The following CACNA2D1 variants were observed in gnomAD, a reference collection of about 807,000 sequenced individuals.
The protein encoded by CACNA2D1 is voltage-dependent calcium channel subunit alpha-2/delta-1.
In CACNA2D1, 53 loss-of-function variants were observed where a neutral mutation model predicts 171.5. The ratio of observed to expected loss-of-function variants is 0.31; its 90% CI spans 0.25 to 0.39. The LOEUF (loss-of-function observed/expected upper bound fraction) is 0.39, where lower values mean the gene tolerates loss of function less well. CACNA2D1 is among the 10% of genes least tolerant of loss of function. CACNA2D1 has a pLI of 1.00. For synonymous variants in CACNA2D1, 442 were observed against 443.1 expected (o/e 1.00, Z 0.03); for missense variants, 903 against 1,299.8 (o/e 0.69, Z 4.69).
At chr7:82,311,337 T>C (rs1397336125) in intron 3 of CACNA2D1, among the ~76,000 whole-genome samples, 1 of 151,774 alleles carries the variant, frequency 6.6e-6, no homozygotes, top group African/African-American at 2.4e-5. Context: ...ACAAATGCAC[T>C]AGGTAAGAAT....
At chr7:82,232,672 T>C (rs1803078741) in intron 3 of CACNA2D1, among the ~76,000 whole-genome samples, 1 of 151,930 alleles carries the variant, frequency 6.6e-6, no homozygotes, top group Non-Finnish European at 1.5e-5. Flanking sequence ...GAGACCATCC[T>C]GGCTAACACT....
chr7:82,139,086 A>C (rs1343022660), intron 4 of CACNA2D1, among the ~76,000 whole-genome samples: 1 of 152,124 alleles, frequency 6.6e-6, no homozygotes, highest in Non-Finnish European at 1.5e-5. Context: ...ATATGCACAC[A>C]CTGTTGTGCC....
At chr7:82,251,127 T>A (rs1805579704) in intron 3 of CACNA2D1, among the ~76,000 whole-genome samples, 1 of 152,142 alleles carries the variant, frequency 6.6e-6, no homozygotes, top group African/African-American at 2.4e-5. Context: ...CTCTCCTGTA[T>A]CTCCCATCTC....
At chr7:82,114,598 C>CA (rs1238454894) in intron 6 of CACNA2D1, among the ~76,000 whole-genome samples, 1 of 151,044 alleles carries the variant, frequency 6.6e-6, no homozygotes, top group African/African-American at 2.4e-5. Context: ...AAAAAACAAA[C>CA]AAAAAAAATT....
At chr7:82,132,434 C>T (rs1273099300) in intron 5 of CACNA2D1, among the ~76,000 whole-genome samples, 4 of 152,174 alleles carry the variant, frequency 2.6e-5, no homozygotes, top group East Asian at 1.9e-4. Context: ...ACTCCATATC[C>T]TCTTGCAACA....
chr7:82,106,282 C>A (rs1787750872), intron 6 of CACNA2D1, among the ~76,000 whole-genome samples: 1 of 151,886 alleles, frequency 6.6e-6, no homozygotes, highest in Non-Finnish European at 1.5e-5. Flanking sequence ...AATTCCAGAC[C>A]CCCATTTTTT....
intron 13 of CACNA2D1, 58 bp downstream of exon 13, chr7:82,014,343 A>G: frequency 1.1e-6 from 1 of 916,182 alleles, no homozygotes; most frequent in Non-Finnish European, 1.8e-6. Context: ...AGTACACCTA[A>G]TAACAACTAC....
intron 1 of CACNA2D1, among the ~76,000 whole-genome samples, chr7:82,432,037 T>TA (rs34180150): frequency 0.03 from 2,504 of 82,194 alleles, 65 homozygotes; most frequent in Middle Eastern, 0.071. Flanking sequence ...GACTCTGTCT[T>TA]AAAAAAAAAA....
chr7:82,150,291 A>AC (rs1793709833), intron 4 of CACNA2D1, among the ~76,000 whole-genome samples: 1 of 143,854 alleles, frequency 7.0e-6, no homozygotes, highest in African/African-American at 2.6e-5. Context: ...ACAAAAAAAA[A>AC]CACCCTAGTA....
At chr7:82,388,635 T>A (rs1322255222) in intron 1 of CACNA2D1, among the ~76,000 whole-genome samples, 1 of 152,154 alleles carries the variant, frequency 6.6e-6, no homozygotes, top group African/African-American at 2.4e-5. Flanking sequence ...TTTGATTTCA[T>A]GTGAGGGGAA....
At chr7:82,149,904 C>T (rs953359392) in intron 4 of CACNA2D1, among the ~76,000 whole-genome samples, 1 of 151,884 alleles carries the variant, frequency 6.6e-6, no homozygotes, top group African/African-American at 2.4e-5. Flanking sequence ...TTGCAGTCAG[C>T]CGAGATCGCG....
At chr7:82,433,704 GGTA>G (rs762940890) in intron 1 of CACNA2D1, among the ~76,000 whole-genome samples, 3 of 152,122 alleles carry the variant, frequency 2.0e-5, no homozygotes, top group Non-Finnish European at 2.9e-5. Context: ...TCTCCCTTCT[GGTA>G]ACACTATTTA....
At chr7:82,097,179 A>G (rs1344245572) in intron 6 of CACNA2D1, among the ~76,000 whole-genome samples, 1 of 152,172 alleles carries the variant, frequency 6.6e-6, no homozygotes, top group Admixed American at 6.5e-5. Context: ...GGAGTTGAAC[A>G]TTGTTCAAAA....
chr7:82,040,389 T>C (rs1182856034), intron 10 of CACNA2D1, among the ~76,000 whole-genome samples: 1 of 137,600 alleles, frequency 7.3e-6, no homozygotes, highest in South Asian at 2.3e-4. Flanking sequence ...CAAGTGTACA[T>C]GTCAAGAAAT....
At chr7:82,351,043 T>G (rs1048086685) in intron 1 of CACNA2D1, among the ~76,000 whole-genome samples, 24 of 152,192 alleles carry the variant, frequency 1.6e-4, no homozygotes, top group South Asian at 8.3e-4. Context: ...TATATTTCAC[T>G]TATTCTTCCT....
At chr7:82,432,986 G>A (rs1829825601) in intron 1 of CACNA2D1, among the ~76,000 whole-genome samples, 1 of 152,126 alleles carries the variant, frequency 6.6e-6, no homozygotes, top group African/African-American at 2.4e-5. Context: ...AGGAGTTCGA[G>A]ACCAGCCTGA....
chr7:82,146,391 T>C (rs1793071150), intron 4 of CACNA2D1, among the ~76,000 whole-genome samples: 1 of 146,044 alleles, frequency 6.8e-6, no homozygotes, highest in Admixed American at 6.9e-5. Flanking sequence ...TATATTTATA[T>C]ATATAAAGAT....
chr7:81,981,775 T>A (rs1796464303), intron 24 of CACNA2D1, among the ~76,000 whole-genome samples: 1 of 152,036 alleles, frequency 6.6e-6, no homozygotes, highest in African/African-American at 2.4e-5. Context: ...GAGAAAAAGA[T>A]GTACATGCGT....
intron 38 of CACNA2D1, among the ~76,000 whole-genome samples, chr7:81,958,912 C>A (rs1793763509): frequency 6.6e-6 from 1 of 151,794 alleles, no homozygotes; most frequent in Non-Finnish European, 1.5e-5. Context: ...TTTCAATTCA[C>A]TGAAGACAAA....
Sources: allele counts gnomAD v4.1 joint callset (sites outside exome capture counted in the v4.1 genomes callset), GRCh38; gene constraint gnomAD v4.1.1; transcripts MANE v1.5; gene names NCBI Gene and HGNC (gene_info 2026-07-23, HGNC 2026-07-21).